Variants in SLC16A7 observed in about 807,000 individuals in gnomAD.
SLC16A7 encodes the protein monocarboxylate transporter 2.
SLC16A7 carries 33 observed loss-of-function variants against 34.9 expected under a neutral mutation model. The ratio of observed to expected loss-of-function variants is 0.94; its 90% CI spans 0.72 to 1.26. The LOEUF (loss-of-function observed/expected upper bound fraction) is 1.26. Ranked by LOEUF, SLC16A7 falls within the 50% of genes most tolerant of loss-of-function variation. The pLI, the probability that SLC16A7 is intolerant of heterozygous loss-of-function variation, is 0.00. For synonymous variants in SLC16A7, 201 were observed against 206.6 expected, an observed-to-expected ratio of 0.97 and a Z score of 0.23; for missense variants, 573 against 578.1, an observed-to-expected ratio of 0.99 and a Z score of 0.09.
At chr12:59,647,197 G>C (rs1424020001) in intron 1 of SLC16A7, among the ~76,000 whole-genome samples, 2 of 152,066 alleles carry the variant, frequency 1.3e-5, no homozygotes, top group Non-Finnish European at 2.9e-5. Flanking sequence ...GAATGATATG[G>C]TTGGCTGTGT....
intron 3 of SLC16A7, among the ~76,000 whole-genome samples, chr12:59,750,840 G>T (rs1297235092): frequency 2.6e-5 from 4 of 152,126 alleles, no homozygotes; most frequent in Non-Finnish European, 5.9e-5. Flanking sequence ...ACTGGATAAA[G>T]AAAATGTGGC....
At chr12:59,619,233 A>C (rs1879593369) in intron 1 of SLC16A7, among the ~76,000 whole-genome samples, 1 of 152,092 alleles carries the variant, frequency 6.6e-6, no homozygotes, top group South Asian at 2.1e-4. Flanking sequence ...TAAAGACTTC[A>C]TTTCAATTTA....
intron 1 of SLC16A7, among the ~76,000 whole-genome samples, 172 bp from the exon 2 acceptor site, chr12:59,654,980 G>C (rs181009700): frequency 1.1e-4 from 16 of 151,992 alleles, no homozygotes; most frequent in African/African-American, 3.9e-4. Flanking sequence ...ATATCTAAAT[G>C]GTCCTTTAAA....
rs532171891 is a variant in SLC16A7, at chr12:59,763,840, T to G, written c.218-7379T>G. On this transcript the variant is annotated intron_variant, in intron 3 of 5. Transcript: ENST00000547379. ...TTATGGTTATCTTTGATGTTGCTAT[T>G]ATAATTGTTTTTGGGTGCCATGAAC... 2.6e-5 allele frequency: 4 copies of G among 152,194 alleles called. No homozygotes were observed. In the East Asian group the frequency reaches 7.7e-4, roughly 29 times the overall value. The allele number at this position is 152,194 out of a possible 1,614,324, so 9.4% of individuals were successfully genotyped here.
chr12:59,735,449 A>ATTT (rs1445402439), intron 3 of SLC16A7, among the ~76,000 whole-genome samples: 1 of 152,168 alleles, frequency 6.6e-6, no homozygotes, highest in East Asian at 1.9e-4. Context: ...TTTATTTTGA[A>ATTT]TTTATGATGC....
At chr12:59,624,562 A>T (rs1314174015) in intron 1 of SLC16A7, among the ~76,000 whole-genome samples, 1 of 151,814 alleles carries the variant, frequency 6.6e-6, no homozygotes, top group Non-Finnish European at 1.5e-5. Flanking sequence ...GGTCTGGGGC[A>T]TCACACAACA....
At chr12:59,677,894 C>T (rs1870435163) in intron 2 of SLC16A7, among the ~76,000 whole-genome samples, 1 of 152,234 alleles carries the variant, frequency 6.6e-6, no homozygotes, top group African/African-American at 2.4e-5. Context: ...TGTCACTTCA[C>T]AAGCCAGAAA....
chr12:59,606,373 C>T (rs1878938894), intron 1 of SLC16A7, among the ~76,000 whole-genome samples: 1 of 152,108 alleles, frequency 6.6e-6, no homozygotes, highest in Admixed American at 6.5e-5. Flanking sequence ...CGCACATAAA[C>T]ACACGTAAAA....
At chr12:59,624,737 GTTGTGTGT>G (rs1879847209) in intron 1 of SLC16A7, among the ~76,000 whole-genome samples, 1 of 138,436 alleles carries the variant, frequency 7.2e-6, no homozygotes, top group African/African-American at 2.9e-5. Context: ...TGCATTGTTA[GTTGTGTGT>G]GTGTGTGTGT....
At chr12:59,682,304 C>T (rs1870803860) in intron 2 of SLC16A7, among the ~76,000 whole-genome samples, 2 of 152,050 alleles carry the variant, frequency 1.3e-5, no homozygotes, top group African/African-American at 4.8e-5. Context: ...TATAATTAAA[C>T]ATACATAAAT....
intron 5 of SLC16A7, among the ~76,000 whole-genome samples, chr12:59,775,747 C>G (rs1882698163): frequency 6.6e-6 from 1 of 152,090 alleles, no homozygotes; most frequent in South Asian, 2.1e-4. Flanking sequence ...TTATCTACTT[C>G]AGTTGTTTTG....
At chr12:59,630,592 A>G (rs1474367148) in intron 1 of SLC16A7, among the ~76,000 whole-genome samples, 2 of 151,950 alleles carry the variant, frequency 1.3e-5, no homozygotes, top group African/African-American at 4.8e-5. Flanking sequence ...GCTATGAACT[A>G]AACAAGATGA....
intron 3 of SLC16A7, among the ~76,000 whole-genome samples, chr12:59,742,343 G>A (rs1878440641): frequency 1.3e-5 from 2 of 152,156 alleles, no homozygotes; most frequent in Admixed American, 6.5e-5. Flanking sequence ...TCTCTCCCTG[G>A]TGGCCTAGGT....
intron 3 of SLC16A7, among the ~76,000 whole-genome samples, chr12:59,724,868 C>G (rs1040152645): frequency 6.6e-6 from 1 of 151,816 alleles, no homozygotes; most frequent in African/African-American, 2.4e-5. Flanking sequence ...AAGCAAGTCT[C>G]TATAAATTCT....
intron 2 of SLC16A7, among the ~76,000 whole-genome samples, chr12:59,665,178 T>C (rs1298697164): frequency 6.6e-6 from 1 of 152,126 alleles, no homozygotes; most frequent in Admixed American, 6.6e-5. Flanking sequence ...TTTACAAGTT[T>C]TTATGAAACT....
intron 3 of SLC16A7, among the ~76,000 whole-genome samples, chr12:59,760,088 G>A (rs957604030): frequency 4.0e-5 from 6 of 151,892 alleles, no homozygotes; most frequent in African/African-American, 4.8e-5. Flanking sequence ...AACTATACCC[G>A]TTATTACAAG....
At position 59,596,297 on chromosome 12, in the gene SLC16A7, G is replaced by A. The variant is rs1157643213; in HGVS notation, c.-130+61G>A. ...GAGGAGGAGGAGGTGCCGGCTAAGA[G>A]GAGGGCGAGCCTGCGTCTGCGACCC... On this transcript the variant is annotated intron_variant, in intron 1 of 5. Coordinates refer to ENST00000547379, the MANE Select transcript of SLC16A7 (RefSeq NM_001270623.2). The surrounding 1 kb of genome is among the most constrained non-coding windows in gnomAD (Gnocchi z 5.0). 1 of 153,204 alleles carries A rather than the reference G, an allele frequency of 6.5e-6. No individual in the cohort carries two copies. The allele number at this position is 153,204 out of a possible 1,614,324, so 9.5% of individuals were successfully genotyped here. A position where few individuals can be genotyped will look rare whatever the true frequency, so the allele number is the denominator to read the frequency against.
chr12:59,687,405 A>G (rs1871245342), intron 2 of SLC16A7, among the ~76,000 whole-genome samples: 2 of 152,058 alleles, frequency 1.3e-5, no homozygotes, highest in South Asian at 4.1e-4. Flanking sequence ...AGCCCCAAAT[A>G]CATTGTGTAC....
At chr12:59,743,519 C>T (rs747573870) in intron 3 of SLC16A7, among the ~76,000 whole-genome samples, 27 of 152,106 alleles carry the variant, frequency 1.8e-4, no homozygotes, top group Non-Finnish European at 3.4e-4. Flanking sequence ...ATCATAATCC[C>T]TGCACATAGC....
Sources: gnomAD v4.1 joint callset for allele counts (sites outside exome capture counted in the v4.1 genomes callset) on GRCh38, gnomAD v4.1.1 for gene constraint, Gnocchi (gnomAD v3.1) non-coding constraint, MANE v1.5 for transcripts, NCBI Gene and HGNC (gene_info 2026-07-23, HGNC 2026-07-21) for gene names.